ACTN1: variants seen among roughly 807,000 people sequenced by gnomAD.
ACTN1 encodes alpha-actinin-1.
In ACTN1, 30 loss-of-function variants were observed where a neutral mutation model predicts 119.6. That is an observed-to-expected ratio of 0.25 (90% CI 0.19 to 0.34). The LOEUF (loss-of-function observed/expected upper bound fraction) is 0.34. Among genes scored for constraint, ACTN1 ranks in the 10% least tolerant of loss-of-function variants. ACTN1 has a pLI of 1.00. For synonymous variants in ACTN1, 429 were observed against 472.6 expected (o/e 0.91, Z 1.20); for missense variants, 764 against 1,223.4 (o/e 0.62, Z 5.60).
intron 1 of ACTN1, among the ~76,000 whole-genome samples, chr14:68,950,462 G>GTGTGTGTGTGTGTGTGTGTATGTATATA: frequency 3.7e-4 from 47 of 125,918 alleles, no homozygotes; most frequent in African/African-American, 1.5e-3. Context: ...ATGCGTGTGT[G>GTGTGTGTGTGTGTGTGTGTATGTATATA]TATATATATA....
rs577841813 is a variant in ACTN1, at chr14:68,971,264, T to C, written c.105+7688A>G. Among the ~76,000 whole-genome samples, 7 of 152,344 alleles carry C rather than the reference T, an allele frequency of 4.6e-5. No homozygotes were observed. In the South Asian group the frequency reaches 8.3e-4, roughly 18 times the overall value. On this transcript the variant is annotated intron_variant, in intron 1 of 21. Coordinates refer to ENST00000394419, the MANE Select transcript of ACTN1 (RefSeq NM_001130004.2). ...TGACATGTGGAGGTACTCCAAACCATTCAGCATTTAATCAGTGTGAACTAT... is the reference window on the plus strand; with the variant it reads ...TGACATGTGGAGGTACTCCAAACCACTCAGCATTTAATCAGTGTGAACTAT...
In ACTN1 at chr14:68,892,034, G is replaced by A. The variant is rs1341442495; in HGVS notation, c.1086+19C>T. ...GAGGCAGTCCAGTCTGGGGGCCCAGGCTCACCCCCAGTGCTCACCGAGACC... is the reference window on the plus strand; with the variant it reads ...GAGGCAGTCCAGTCTGGGGGCCCAGACTCACCCCCAGTGCTCACCGAGACC... On this transcript the variant is annotated intron_variant, in intron 10 of 21. Transcript: ENST00000394419. 1.2e-6 allele frequency: 2 copies of A among 1,611,016 alleles called. No homozygotes were observed. The highest frequency in any genetic ancestry group is 1.7e-6 in the Non-Finnish European group (2 of 1,178,962).
In ACTN1 at chr14:68,880,451, G is replaced by A. The variant is rs758060275; in HGVS notation, c.2134-343C>T. On this transcript the variant is annotated intron_variant, in intron 17 of 21. Transcript: ENST00000394419. The surrounding 1 kb of genome is among the most constrained non-coding windows in gnomAD (Gnocchi z 4.6). ...CGAACCTCCAACCCCACAGCCACGCGCGCACACACACATACACACACACAC... is the reference window on the plus strand; with the variant it reads ...CGAACCTCCAACCCCACAGCCACGCACGCACACACACATACACACACACAC... Among the ~76,000 whole-genome samples the A allele has an allele frequency of 7.5e-5, 9 of 119,342 alleles. No homozygotes were observed. The highest frequency in any genetic ancestry group is 1.5e-4 in the Non-Finnish European group (9 of 59,890). The allele number at this position is 119,342 out of a possible 152,430, so 78.3% of individuals were successfully genotyped here. A position where few individuals can be genotyped will look rare whatever the true frequency, so the allele number is the denominator to read the frequency against.
intron 3 of ACTN1, among the ~76,000 whole-genome samples, chr14:68,917,639 G>C (rs948043617): frequency 6.6e-6 from 1 of 152,186 alleles, no homozygotes; most frequent in Admixed American, 6.5e-5. Context: ...TAGTTTCTTG[G>C]CTCAGCAGAG....
chr14:68,976,361 A>G (rs1263305906), intron 1 of ACTN1, among the ~76,000 whole-genome samples: 1 of 152,172 alleles, frequency 6.6e-6, no homozygotes, highest in Non-Finnish European at 1.5e-5. Flanking sequence ...CCTCCCAGTC[A>G]GTAGAAAGAG....
At chr14:68,936,522 C>A (rs559667482) in intron 1 of ACTN1, 10 of 254,748 alleles carry the variant, frequency 3.9e-5, no homozygotes, top group South Asian at 8.0e-5. Flanking sequence ...TTTAAGTATG[C>A]AAATAAAAGA....
intron 6 of ACTN1, among the ~76,000 whole-genome samples, chr14:68,908,614 C>A (rs550194758): frequency 6.6e-6 from 1 of 152,198 alleles, no homozygotes; most frequent in Admixed American, 6.5e-5. Context: ...CAAGAGGGAA[C>A]CTGGAGAGTG....
chr14:68,898,728 G>A (rs1243494469), intron 8 of ACTN1, among the ~76,000 whole-genome samples: 2 of 152,022 alleles, frequency 1.3e-5, no homozygotes. Flanking sequence ...GGACATGAGA[G>A]GACGACCACC....
chr14:68,890,277 T>C lies in ACTN1; in HGVS notation c.1096A>G (p.Asn366Asp). Residue 366 changes from asparagine to aspartate, a missense_variant, in exon 11 of 22, where the codon AAT (asparagine) becomes GAT (aspartate). Around this residue, in one of 4 missense-constraint regions of ACTN1, gnomAD observed 544 missense variants for 912.0 expected, o/e 0.60. Transcript: ENST00000394419. Reference protein sequence around the residue: ...SEGRMVSDINNAWGCLEQVEK... With the variant: ...SEGRMVSDINDAWGCLEQVEK... ...ACCTGCTCCAGGCAGCCCCAGGCATTGTTGATGTCCTGTGGGGATGGGAGG... is the reference window on the plus strand; with the variant it reads ...ACCTGCTCCAGGCAGCCCCAGGCATCGTTGATGTCCTGTGGGGATGGGAGG... 6.2e-7 allele frequency: 1 copy of C among 1,614,112 alleles called. No individual in the cohort carries two copies. Among genetic ancestry groups the C allele is most frequent in the Non-Finnish European group, 8.5e-7 (1 of 1,179,992 alleles).
At chr14:68,920,492 T>A (rs1391008055) in intron 3 of ACTN1, among the ~76,000 whole-genome samples, 2 of 152,190 alleles carry the variant, frequency 1.3e-5, no homozygotes, top group African/African-American at 4.8e-5. Flanking sequence ...GCTAATAGCT[T>A]TTTTGGTAAG....
chr14:68,907,778 G>A (rs1012485963), intron 6 of ACTN1, among the ~76,000 whole-genome samples: 1 of 152,016 alleles, frequency 6.6e-6, no homozygotes, highest in Non-Finnish European at 1.5e-5. Flanking sequence ...CTAGAGCCAC[G>A]GTCGGCACAG....
intron 1 of ACTN1, among the ~76,000 whole-genome samples, chr14:68,964,789 T>A (rs2036651967): frequency 6.6e-6 from 1 of 152,224 alleles, no homozygotes; most frequent in Non-Finnish European, 1.5e-5. Context: ...TAATAAGTGC[T>A]GGCTGTTAAC....
At chr14:68,875,275 T>A in intron 21 of ACTN1, 2 of 897,408 alleles carry the variant, frequency 2.2e-6, no homozygotes, top group Non-Finnish European at 3.3e-6. Context: ...TAATTCCATG[T>A]GCCAATTACA....
In ACTN1 at chr14:68,880,817, G is replaced by A. The variant is rs188284396; in HGVS notation, c.2126C>T (p.Thr709Ile). Residue 709 changes from threonine (T) to isoleucine (I), a missense_variant, in exon 17 of 22, where the codon ACC (threonine) becomes ATC (isoleucine). By Grantham distance (89) the Thr-to-Ile change is moderately conservative. Around this residue, in one of 4 missense-constraint regions of ACTN1, gnomAD observed 544 missense variants for 912.0 expected, o/e 0.60. Coordinates refer to ENST00000394419, the MANE Select transcript of ACTN1 (RefSeq NM_001130004.2). This position sits in a 1 kb window ranked among gnomAD's most constrained non-coding sequence, Gnocchi z 4.6. ...LIFDNKHTNY[T>I]MEHIRVGWEQ... ...AAGGCCAGCCCCACCCACCTCCATG[G>A]TGTAGTTGGTGTGCTTGTTGTCGAA... is the stretch of plus-strand genomic sequence containing the variant. 32 of 1,614,122 alleles carry A rather than the reference G, an allele frequency of 2.0e-5. No individual in the cohort carries two copies. In the East Asian group the frequency reaches 6.7e-4, roughly 34 times the overall value.
At chr14:68,973,288 G>C (rs1229902739) in intron 1 of ACTN1, among the ~76,000 whole-genome samples, 2 of 152,186 alleles carry the variant, frequency 1.3e-5, no homozygotes, top group Non-Finnish European at 2.9e-5. Flanking sequence ...ATCTTGAATT[G>C]TAGTTCCCAT....
intron 16 of ACTN1, 104 bp from the exon 17 acceptor site, chr14:68,881,093 C>T: frequency 8.8e-6 from 10 of 1,142,260 alleles, no homozygotes; most frequent in Non-Finnish European, 1.2e-5. Context: ...AAATGATTCT[C>T]AGTTCCCATC....
chr14:68,955,383 G>C (rs1217447909), intron 1 of ACTN1, among the ~76,000 whole-genome samples: 1 of 152,150 alleles, frequency 6.6e-6, no homozygotes, highest in Non-Finnish European at 1.5e-5. Flanking sequence ...ATGACTAGGC[G>C]CTCACCGTGT....
intron 3 of ACTN1, among the ~76,000 whole-genome samples, chr14:68,913,386 C>A (rs2034114659): frequency 6.6e-6 from 1 of 152,088 alleles, no homozygotes; most frequent in Non-Finnish European, 1.5e-5. Flanking sequence ...AGTAAGGTAC[C>A]CAAAGAATAT....
chr14:68,975,939 A>C (rs756843200), intron 1 of ACTN1, among the ~76,000 whole-genome samples: 2 of 152,148 alleles, frequency 1.3e-5, no homozygotes, highest in African/African-American at 4.8e-5. Context: ...TTCTCAATGC[A>C]TCATTTAACC....
Sources: gnomAD v4.1 joint callset for allele counts (sites outside exome capture counted in the v4.1 genomes callset) on GRCh38, gnomAD v4.1.1 for gene constraint, gnomAD v4.1.1 regional missense constraint, Gnocchi (gnomAD v3.1) non-coding constraint, MANE v1.5 for transcripts, NCBI Gene and HGNC (gene_info 2026-07-23, HGNC 2026-07-21) for gene names.